Variants in TMCC3 observed in about 807,000 individuals in gnomAD.
The protein encoded by TMCC3 is transmembrane and coiled-coil domain family 3, also known as transmembrane and coiled-coil domain protein 3.
In TMCC3, 28 loss-of-function variants were observed where a neutral mutation model predicts 40.2. That is an observed-to-expected ratio of 0.70 (90% confidence interval 0.52 to 0.95). The LOEUF (loss-of-function observed/expected upper bound fraction) is 0.95, where lower values mean the gene tolerates loss of function less well. TMCC3 is among the 40% of genes least tolerant of loss of function. TMCC3 has a pLI of 0.00. For missense variants in TMCC3, 554 were observed against 615.2 expected, an observed-to-expected ratio of 0.90 and a Z score of 1.05; for synonymous variants, 255 against 248.5, an observed-to-expected ratio of 1.03 and a Z score of -0.25.
intron 1 of TMCC3, among the ~76,000 whole-genome samples, chr12:94,640,341 G>A (rs978921067): frequency 6.6e-6 from 1 of 152,128 alleles, no homozygotes; most frequent in African/African-American, 2.4e-5. Flanking sequence ...GCATCACCAA[G>A]TCCAGCTAAT....
intron 1 of TMCC3, chr12:94,644,510 TGG>T: frequency 4.6e-6 from 4 of 872,114 alleles, no homozygotes; most frequent in Non-Finnish European, 5.5e-6. Flanking sequence ...GCGGGTGAGC[TGG>T]TGGTGGCCGG....
chr12:94,617,378 C>T (rs904615853), intron 1 of TMCC3, among the ~76,000 whole-genome samples: 2 of 152,158 alleles, frequency 1.3e-5, no homozygotes, highest in South Asian at 2.1e-4. Flanking sequence ...CGACCTGGGG[C>T]AAGTAAATTA....
chr12:94,637,607 C>T (rs901290060), intron 1 of TMCC3, among the ~76,000 whole-genome samples: 1 of 152,234 alleles, frequency 6.6e-6, no homozygotes, highest in Non-Finnish European at 1.5e-5. Context: ...ATTTAAAATG[C>T]ACATGCCCTT....
chr12:94,594,517 G>T, intron 1 of TMCC3, among the ~76,000 whole-genome samples: 1 of 152,132 alleles, frequency 6.6e-6, no homozygotes, highest in East Asian at 1.9e-4. Flanking sequence ...TCTTTTGGGG[G>T]CAGTTCTGGA....
chr12:94,584,154 C>T (rs927383264), intron 1 of TMCC3, among the ~76,000 whole-genome samples: 3 of 152,104 alleles, frequency 2.0e-5, no homozygotes, highest in African/African-American at 7.2e-5. Flanking sequence ...GAGGTGAGGC[C>T]TGGTGGGAGG....
At chr12:94,592,454 A>G (rs974857779) in intron 1 of TMCC3, among the ~76,000 whole-genome samples, 4 of 146,754 alleles carry the variant, frequency 2.7e-5, no homozygotes, top group African/African-American at 1.0e-4. Flanking sequence ...AGCCTGGCCT[A>G]CATGGTGAAA....
At chr12:94,643,575 A>G (rs1280414567) in intron 1 of TMCC3, among the ~76,000 whole-genome samples, 2 of 152,236 alleles carry the variant, frequency 1.3e-5, no homozygotes, top group African/African-American at 4.8e-5. Flanking sequence ...TCAAACTACT[A>G]GCAAAATTCT....
intron 1 of TMCC3, among the ~76,000 whole-genome samples, chr12:94,591,611 C>T (rs141830317): frequency 2.0e-5 from 3 of 152,104 alleles, no homozygotes; most frequent in African/African-American, 7.2e-5. Context: ...CCAAAATTAG[C>T]CAGGCATGGT....
intron 1 of TMCC3, among the ~76,000 whole-genome samples, chr12:94,599,860 T>C (rs1344586485): frequency 6.6e-6 from 1 of 152,198 alleles, no homozygotes; most frequent in Non-Finnish European, 1.5e-5. Flanking sequence ...AACTTGCTAC[T>C]TCCTCTATAA....
intron 1 of TMCC3, among the ~76,000 whole-genome samples, chr12:94,649,091 A>G (rs1173103478): frequency 6.6e-6 from 1 of 152,228 alleles, no homozygotes; most frequent in Non-Finnish European, 1.5e-5. Context: ...GAATTGTAAG[A>G]TTGAGATGAG....
intron 1 of TMCC3, among the ~76,000 whole-genome samples, chr12:94,610,726 A>G (rs899638380): frequency 1.3e-5 from 2 of 152,250 alleles, no homozygotes; most frequent in African/African-American, 4.8e-5. Flanking sequence ...TATTCAATCT[A>G]AACTGTTAAG....
intron 3 of TMCC3, 150 bp from the exon 4 acceptor site, chr12:94,571,887 CAA>C: frequency 1.4e-6 from 1 of 722,922 alleles, no homozygotes; most frequent in Admixed American, 2.9e-5. Flanking sequence ...TGGTGATAGA[CAA>C]AGATGTGGAA....
At chr12:94,578,642 G>A in intron 2 of TMCC3, 113 bp from the exon 3 acceptor site, 4 of 1,205,986 alleles carry the variant, frequency 3.3e-6, no homozygotes, top group Non-Finnish European at 2.3e-6. Context: ...TTCCCTGATG[G>A]GCTGTTTTTC....
chr12:94,592,661 C>CAAACAAAAAAAAAAAAAAAAAAAAAA (rs1179258894), intron 1 of TMCC3, among the ~76,000 whole-genome samples: 1 of 27,506 alleles, frequency 3.6e-5, no homozygotes, highest in Non-Finnish European at 6.8e-5. Context: ...GGCTCCATCT[C>CAAACAAAAAAAAAAAAAAAAAAAAAA]AAAAAAAAAA....
intron 1 of TMCC3, among the ~76,000 whole-genome samples, chr12:94,597,362 T>C (rs1376901525): frequency 6.6e-6 from 1 of 151,576 alleles, no homozygotes; most frequent in East Asian, 2.0e-4. Flanking sequence ...GTACAGAATA[T>C]GCAGGTATGA....
rs370041818 is a variant in TMCC3, at chr12:94,632,570, C to T, written c.78+17783G>A. ...TGTAAGTACAGCAGTGATTACAGTACTTGAGAAAGCTCTTTAAGAATGGAT... is the reference window on the plus strand; with the variant it reads ...TGTAAGTACAGCAGTGATTACAGTATTTGAGAAAGCTCTTTAAGAATGGAT... On this transcript the variant is annotated intron_variant, in intron 1 of 3. Transcript: ENST00000261226. Among the ~76,000 whole-genome samples the T allele has an allele frequency of 1.4e-4, 22 of 152,290 alleles. No individual in the cohort carries two copies. The East Asian group carries it at 3.3e-3, about 23-fold the overall frequency.
chr12:94,581,955 G>T lies in TMCC3; in HGVS notation c.662C>A (p.Ala221Asp). The T allele has an allele frequency of 6.2e-7, 1 of 1,614,240 alleles. No individual in the cohort carries two copies. The highest frequency in any genetic ancestry group is 8.5e-7 in the Non-Finnish European group (1 of 1,180,040). ...RNKFGSADNI[A>D]HLKNSLEEFR... ...CTCCTCTAAGGAATTTTTCAAGTGA[G>T]CAATGTTGTCGGCGCTGCCAAACTT... The change falls in exon 2 of 4, where the codon GCT (alanine) becomes GAT (aspartate). Residue 221 changes from alanine (A) to aspartate (D), a missense_variant. Ala to Asp is a moderately radical substitution (Grantham distance 126). Coordinates refer to ENST00000261226, the MANE Select transcript of TMCC3 (RefSeq NM_020698.4).
chr12:94,639,822 C>G (rs2068980114), intron 1 of TMCC3, among the ~76,000 whole-genome samples: 1 of 150,908 alleles, frequency 6.6e-6, no homozygotes, highest in Non-Finnish European at 1.5e-5. Flanking sequence ...AAATCTCACT[C>G]GGTTCTGCTG....
intron 1 of TMCC3, among the ~76,000 whole-genome samples, chr12:94,601,222 C>A (rs548466533): frequency 1.3e-5 from 2 of 152,220 alleles, no homozygotes; most frequent in East Asian, 3.9e-4. Context: ...ATATTAGAAA[C>A]AAAGTGCCCT....
Sources: gnomAD v4.1 joint callset for allele counts (sites outside exome capture counted in the v4.1 genomes callset) on GRCh38, gnomAD v4.1.1 for gene constraint, MANE v1.5 for transcripts, NCBI Gene and HGNC (gene_info 2026-07-23, HGNC 2026-07-21) for gene names.